TIMM23B: variants seen among roughly 807,000 people sequenced by gnomAD.
TIMM23B encodes mitochondrial import inner membrane translocase subunit Tim23B.
A neutral mutation model predicts 27.3 loss-of-function variants in TIMM23B; 27 were observed. The observed-to-expected ratio is 0.99, with a 90% CI of 0.73 to 1.36. The LOEUF is 1.36. Ranked by LOEUF, TIMM23B falls within the 40% of genes most tolerant of loss-of-function variation. TIMM23B has a pLI of 0.00. For synonymous variants in TIMM23B, 73 were observed against 92.4 expected, an observed-to-expected ratio of 0.79 and a Z score of 1.21; for missense variants, 205 against 244.2, an observed-to-expected ratio of 0.84 and a Z score of 1.07.
chr10:49,951,735 A>G (rs1337356507), intron 2 of TIMM23B, among the ~76,000 whole-genome samples: 2 of 152,190 alleles, frequency 1.3e-5, no homozygotes, highest in Non-Finnish European at 2.9e-5. Context: ...TTGGCTTTAT[A>G]CATAGAAAAA....
chr10:49,966,160 G>A (rs1157402888), intron 6 of TIMM23B, among the ~76,000 whole-genome samples: 4 of 150,088 alleles, frequency 2.7e-5, no homozygotes, highest in Admixed American at 1.3e-4. Flanking sequence ...TCCAGCTTGC[G>A]CGGTAGAGTG....
chr10:49,970,449 C>G (rs1314677957), intron 6 of TIMM23B: 1 of 165,860 alleles, frequency 6.0e-6, no homozygotes, highest in Non-Finnish European at 1.3e-5. Context: ...GCCGCGACCC[C>G]GTCTGGGAGG....
chr10:49,943,702 C>G (rs1473307107), intron 1 of TIMM23B, among the ~76,000 whole-genome samples: 1 of 141,542 alleles, frequency 7.1e-6, no homozygotes, highest in Non-Finnish European at 1.5e-5. Flanking sequence ...GTGCTAGCTA[C>G]TTTTCTGGGG....
intron 6 of TIMM23B, among the ~76,000 whole-genome samples, chr10:49,969,775 G>GTCTCCC (rs1165452553): frequency 1.3e-5 from 2 of 150,928 alleles, no homozygotes; most frequent in African/African-American, 4.9e-5. Context: ...TCTCCCCACG[G>GTCTCCC]TCTCCCTCTC....
chr10:49,948,580 T>C (rs2133055201), intron 2 of TIMM23B, among the ~76,000 whole-genome samples: 1 of 152,230 alleles, frequency 6.6e-6, no homozygotes, highest in East Asian at 1.9e-4. Flanking sequence ...AATGAACCTT[T>C]AAAACTTCCT....
chr10:49,964,399 G>A (rs1413801934), intron 6 of TIMM23B, among the ~76,000 whole-genome samples: 9 of 150,678 alleles, frequency 6.0e-5, no homozygotes, highest in Middle Eastern at 7.1e-3. Context: ...GTGTGGTGGC[G>A]CAGTCCAGCC....
intron 1 of TIMM23B, chr10:49,943,440 G>A (rs1839231519): frequency 6.6e-6 from 1 of 151,840 alleles, no homozygotes; most frequent in South Asian, 2.1e-4. Flanking sequence ...TGTTGTCCAA[G>A]CTGGTCTCAA....
At chr10:49,953,369 A>AG in intron 4 of TIMM23B, among the ~76,000 whole-genome samples, 1 of 152,342 alleles carries the variant, frequency 6.6e-6, no homozygotes, top group African/African-American at 2.4e-5. Flanking sequence ...TTTGAGAGAC[A>AG]GGGCCTTGCT....
chr10:49,944,497 A>G lies in TIMM23B; in HGVS notation c.107-535A>G, dbSNP rs1372413743. Among the ~76,000 whole-genome samples the G allele has an allele frequency of 3.8e-3, 583 of 152,018 alleles. 1 individual carries two copies. Among genetic ancestry groups the G allele is most frequent in the Admixed American group, 7.4e-3 (113 of 15,262 alleles). On this transcript the variant is annotated intron_variant, in intron 1 of 6. Coordinates refer to ENST00000651259, the MANE Select transcript of TIMM23B (RefSeq NM_001290117.2). ...TCTCAAAGTTTGTGTTTTCTTTTGC[A>G]CAGACCCACATACCTGTGGTAATGA... is the stretch of plus-strand genomic sequence containing the variant.
At chr10:49,944,370 G>A (rs1407003762) in intron 1 of TIMM23B, among the ~76,000 whole-genome samples, 1 of 152,000 alleles carries the variant, frequency 6.6e-6, no homozygotes, top group African/African-American at 2.4e-5. Flanking sequence ...AAAGATAGAG[G>A]CATGGGTGAT....
At chr10:49,960,580 T>C (rs1839863584) in intron 6 of TIMM23B, among the ~76,000 whole-genome samples, 1 of 151,970 alleles carries the variant, frequency 6.6e-6, no homozygotes, top group Non-Finnish European at 1.5e-5. Flanking sequence ...TCCCTTGTTT[T>C]ATAGACAAAG....
Position 49,973,697 on chromosome 10 carries a change from ACAT to A in TIMM23B, c.*636_*638del, listed in dbSNP as rs1265476211. The A allele has an allele frequency of 6.6e-6, 1 of 151,490 alleles. No homozygotes were observed. Among genetic ancestry groups the A allele is most frequent in the African/African-American group, 2.4e-5 (1 of 40,934 alleles). The allele number at this position is 151,490 out of a possible 1,614,324, so 9.4% of individuals were successfully genotyped here. On this transcript the variant is annotated 3_prime_UTR_variant, in exon 7 of 7. Coordinates refer to ENST00000651259, the MANE Select transcript of TIMM23B (RefSeq NM_001290117.2). Reference sequence around the variant, plus strand: ...ATCTCTTCAAAAAAGGAATCTAGAGACATCAGTGTGTGCACAAGCATGGTTTGT... The same window carrying A: ...ATCTCTTCAAAAAAGGAATCTAGAGACAGTGTGTGCACAAGCATGGTTTGT...
At chr10:49,945,202 G>A (rs1839318097) in intron 2 of TIMM23B, 112 bp downstream of exon 2, 2 of 993,176 alleles carry the variant, frequency 2.0e-6, no homozygotes, top group Non-Finnish European at 3.1e-6. Context: ...GTAAGTCTCT[G>A]GTCTCCATTC....
chr10:49,955,160 T>G, intron 5 of TIMM23B, 100 bp downstream of exon 5: 2 of 1,203,564 alleles, frequency 1.7e-6, no homozygotes, highest in South Asian at 2.5e-5. Context: ...TCCTAGGATA[T>G]GAGACAATTA....
chr10:49,972,957 C>G, intron 6 of TIMM23B, 55 bp from the exon 7 acceptor site: 1 of 888,922 alleles, frequency 1.1e-6, no homozygotes, highest in Non-Finnish European at 1.8e-6. Context: ...TGATATCAAT[C>G]TCTTGTTCAT....
chr10:49,956,979 CTT>C (rs1212873597), intron 5 of TIMM23B, among the ~76,000 whole-genome samples: 1 of 147,468 alleles, frequency 6.8e-6, no homozygotes, highest in Admixed American at 6.8e-5. Context: ...CAAGTAATCT[CTT>C]TTGCAGTGGA....
chr10:49,961,413 A>G (rs1294920229), intron 6 of TIMM23B, among the ~76,000 whole-genome samples: 1 of 151,794 alleles, frequency 6.6e-6, no homozygotes, highest in Non-Finnish European at 1.5e-5. Flanking sequence ...AAAGAAAAAA[A>G]ATAATGATGG....
chr10:49,960,365 A>AT (rs1417874346), intron 6 of TIMM23B, among the ~76,000 whole-genome samples: 1 of 147,000 alleles, frequency 6.8e-6, no homozygotes, highest in Non-Finnish European at 1.5e-5. Flanking sequence ...TTAATTCATT[A>AT]TTTTTTATTT....
In TIMM23B at chr10:49,964,866, T is replaced by C. The variant is rs185889080; in HGVS notation, c.514+6386T>C. Among the ~76,000 whole-genome samples the C allele has an allele frequency of 1.4e-3, 220 of 152,272 alleles. 1 individual carries two copies. Among genetic ancestry groups the C allele is most frequent in the African/African-American group, 5.0e-3 (208 of 41,538 alleles). On this transcript the variant is annotated intron_variant, in intron 6 of 6. Coordinates refer to ENST00000651259, the MANE Select transcript of TIMM23B (RefSeq NM_001290117.2). The stretch of plus-strand genomic sequence containing the variant: ...TGGTGATGCACTCCAGCCTGGGTGA[T>C]AGAGTGAGACTCCGTTTTGAAATGA...
Sources: allele counts gnomAD v4.1 joint callset (sites outside exome capture counted in the v4.1 genomes callset), GRCh38; gene constraint gnomAD v4.1.1; transcripts MANE v1.5; gene names NCBI Gene and HGNC (gene_info 2026-07-23, HGNC 2026-07-21).